The following LPCAT3 variants were observed in gnomAD, a reference collection of about 807,000 sequenced individuals.
The protein encoded by LPCAT3 is lysophospholipid acyltransferase 5.
Under a neutral mutation model 63.4 loss-of-function variants are expected in LPCAT3, and 21 were observed. That is an observed-to-expected ratio of 0.33 (90% CI 0.23 to 0.48). The LOEUF (loss-of-function observed/expected upper bound fraction) is 0.48, where lower values mean the gene tolerates loss of function less well. Among genes scored for constraint, LPCAT3 ranks in the 20% least tolerant of loss-of-function variants. The pLI is 0.99. For missense variants in LPCAT3, 451 were observed against 590.6 expected (o/e 0.76, Z 2.45); for synonymous variants, 242 against 227.5 (o/e 1.06, Z -0.58).
chr12:7,003,777 C>T (rs2138355391), intron 1 of LPCAT3, among the ~76,000 whole-genome samples: 1 of 151,732 alleles, frequency 6.6e-6, no homozygotes, highest in East Asian at 1.9e-4. Context: ...AAAAAATTAG[C>T]CGGGCGCGGT....
At chr12:7,000,084 TA>T (rs1946671513) in intron 1 of LPCAT3, among the ~76,000 whole-genome samples, 1 of 151,712 alleles carries the variant, frequency 6.6e-6, no homozygotes, top group African/African-American at 2.4e-5. Context: ...CATGCCTGGC[TA>T]ATTTTTGTAT....
At position 7,015,150 on chromosome 12, in the gene LPCAT3, G is replaced by GATC. The variant is rs1274320343; in HGVS notation, c.151+3121_151+3123dup. Among the ~76,000 whole-genome samples, 4 of 152,160 alleles carry GATC rather than the reference G, an allele frequency of 2.6e-5. No individual in the cohort carries two copies. In the East Asian group the frequency reaches 7.7e-4, roughly 29 times the overall value. The stretch of plus-strand genomic sequence containing the variant: ...TTTAATGCTCTGCATTCCACCCCAA[G>GATC]ATCAGCACACAGAACTGAAGTAAAA... On this transcript the variant is annotated intron_variant, in intron 1 of 12. Coordinates refer to ENST00000261407, the MANE Select transcript of LPCAT3 (RefSeq NM_005768.6).
Position 6,983,466 on chromosome 12 carries a change from G to C in LPCAT3, c.225C>G (p.Thr75=). The change falls in exon 2 of 13, where the codon ACC becomes ACG. Residue 75 remains threonine (T), a synonymous_variant. Transcript: ENST00000261407. Reference sequence around the variant, plus strand: ...AATAAGCAATTGAGAGGCCTGTAAAGGTATGGAAGAGGTGGATGAGGTAGG... The same window carrying C: ...AATAAGCAATTGAGAGGCCTGTAAACGTATGGAAGAGGTGGATGAGGTAGG... ...KETYLIHLFH[T]FTGLSIAYFN... The C allele has an allele frequency of 6.2e-7, 1 of 1,612,344 alleles. No homozygotes were observed. Among genetic ancestry groups the C allele is most frequent in the Non-Finnish European group, 8.5e-7 (1 of 1,178,584 alleles).
chr12:6,992,133 G>A (rs782213028), intron 1 of LPCAT3, among the ~76,000 whole-genome samples: 3 of 151,870 alleles, frequency 2.0e-5, no homozygotes, highest in Non-Finnish European at 4.4e-5. Context: ...TAGCCTGGGC[G>A]ACAGAGTGAA....
intron 1 of LPCAT3, among the ~76,000 whole-genome samples, chr12:6,999,171 T>A (rs986080972): frequency 2.0e-5 from 3 of 152,222 alleles, no homozygotes; most frequent in African/African-American, 4.8e-5. Flanking sequence ...AAAAGTTCAT[T>A]TTAATGCTAA....
At position 6,983,437 on chromosome 12, in the gene LPCAT3, TTAAAA is replaced by T; in HGVS notation, c.249_253del (p.Tyr83Ter). On this transcript the variant is annotated stop_gained and frameshift_variant, in exon 2 of 13. Coordinates refer to ENST00000261407, the MANE Select transcript of LPCAT3 (RefSeq NM_005768.6). LOFTEE classifies it high-confidence loss of function. ...TGCTAATTTAGTTTACTCACCAAAGTTAAAATAAGCAATTGAGAGGCCTGTAAAGG... is the reference window on the plus strand; with the variant it reads ...TGCTAATTTAGTTTACTCACCAAAGTTAAGCAATTGAGAGGCCTGTAAAGG... 6.3e-7 allele frequency: 1 copy of T among 1,598,294 alleles called. No individual in the cohort carries two copies.
In LPCAT3 at chr12:6,977,155, C is replaced by T. The variant is rs1405137368; in HGVS notation, c.1455G>A (p.Lys485=). ...AMVPRKEKLK[K]ME is the part of the protein sequence containing the mutation. ...TTACCAGGGAAATGGATTATTCCAT[C>T]TTCTTTAACTTCTCTTTCCTTGGCA... Residue 485 remains lysine, a synonymous_variant, in exon 12 of 13, where the codon AAG becomes AAA. Transcript: ENST00000261407. This position sits in a 1 kb window ranked among gnomAD's most constrained non-coding sequence, Gnocchi z 4.5. 1.2e-6 allele frequency: 2 copies of T among 1,602,136 alleles called. No individual in the cohort carries two copies. The highest frequency in any genetic ancestry group is 8.6e-7 in the Non-Finnish European group (1 of 1,169,170).
intron 5 of LPCAT3, 119 bp from the exon 6 acceptor site, chr12:6,981,301 TG>T: frequency 1.2e-6 from 1 of 821,796 alleles, no homozygotes; most frequent in Non-Finnish European, 1.9e-6. Flanking sequence ...GCCTTCTCTT[TG>T]GGGGATGACA....
At chr12:7,009,505 G>C (rs782733902) in intron 1 of LPCAT3, among the ~76,000 whole-genome samples, 1 of 152,338 alleles carries the variant, frequency 6.6e-6, no homozygotes, top group African/African-American at 2.4e-5. Context: ...ACTATCCTCA[G>C]AGTTTCTCAA....
At chr12:7,005,908 T>C (rs782068971) in intron 1 of LPCAT3, among the ~76,000 whole-genome samples, 1 of 152,374 alleles carries the variant, frequency 6.6e-6, no homozygotes, top group South Asian at 2.1e-4. Flanking sequence ...ACAAAAGCTT[T>C]TAATTTTGAT....
chr12:6,977,660 G>C lies in LPCAT3; in HGVS notation c.1126C>G (p.Leu376Val), dbSNP rs1555153482. Residue 376 changes from leucine (L) to valine (V), a missense_variant, in exon 10 of 13, where the codon CTG (leucine) becomes GTG (valine). Physicochemically the swap from Leu to Val is conservative, Grantham distance 32. Around this residue, in one of 3 missense-constraint regions of LPCAT3, gnomAD observed 304 missense variants for 390.8 expected, o/e 0.78. Coordinates refer to ENST00000261407, the MANE Select transcript of LPCAT3 (RefSeq NM_005768.6). The surrounding 1 kb of genome is among the most constrained non-coding windows in gnomAD (Gnocchi z 4.5). The part of the protein sequence containing the change: ...SLLFLALWHG[L>V]HSGYLVCFQM... The stretch of plus-strand genomic sequence containing the variant: ...AAGCAGACCAGGTATCCTGAGTGCA[G>C]GCCGTGCCAGAGGGCCAGGAATAGC... 6.2e-7 allele frequency: 1 copy of C among 1,614,244 alleles called. No homozygotes were observed. Among genetic ancestry groups the C allele is most frequent in the Non-Finnish European group, 8.5e-7 (1 of 1,180,040 alleles).
chr12:7,002,164 C>T (rs782076547), intron 1 of LPCAT3, among the ~76,000 whole-genome samples: 44 of 152,048 alleles, frequency 2.9e-4, no homozygotes, highest in African/African-American at 8.7e-4. Flanking sequence ...CTCAGGCGTC[C>T]GATTCCTTCT....
chr12:7,011,790 G>C (rs1555157260), intron 1 of LPCAT3, among the ~76,000 whole-genome samples: 1 of 152,004 alleles, frequency 6.6e-6, no homozygotes, highest in Non-Finnish European at 1.5e-5. Flanking sequence ...AAATTGGAAG[G>C]GTCCTTGAAA....
chr12:6,980,266 C>T (rs1946456662), intron 6 of LPCAT3, among the ~76,000 whole-genome samples: 1 of 151,970 alleles, frequency 6.6e-6, no homozygotes, highest in Admixed American at 6.6e-5. Flanking sequence ...TGGTCTTGAA[C>T]TCCTGGCCTC....
intron 1 of LPCAT3, among the ~76,000 whole-genome samples, chr12:6,986,187 C>T (rs1310367343): frequency 3.9e-5 from 6 of 152,070 alleles, no homozygotes; most frequent in African/African-American, 1.4e-4. Flanking sequence ...CAGCAAGGGT[C>T]CCCTTAGACT....
chr12:7,013,916 C>T (rs1330326325), intron 1 of LPCAT3, among the ~76,000 whole-genome samples: 1 of 152,076 alleles, frequency 6.6e-6, no homozygotes, highest in Non-Finnish European at 1.5e-5. Context: ...AACTCTTTAC[C>T]TTGGCTTTAA....
chr12:6,985,323 G>T (rs1367317769), intron 1 of LPCAT3, among the ~76,000 whole-genome samples: 1 of 151,900 alleles, frequency 6.6e-6, no homozygotes, highest in Non-Finnish European at 1.5e-5. Context: ...ATGAACACGG[G>T]AGGCGGAGCT....
intron 3 of LPCAT3, 30 bp downstream of exon 3, chr12:6,982,646 A>G (rs1946482086): frequency 6.5e-7 from 1 of 1,535,062 alleles, no homozygotes; most frequent in Non-Finnish European, 9.0e-7. Flanking sequence ...TGTCAGCTGT[A>G]GCCTGAGCTG....
At chr12:7,000,287 G>T (rs1269432311) in intron 1 of LPCAT3, among the ~76,000 whole-genome samples, 5 of 151,716 alleles carry the variant, frequency 3.3e-5, no homozygotes, top group African/African-American at 1.2e-4. Flanking sequence ...ATCTTGCAGG[G>T]CATCTTAAAG....
Sources: allele counts gnomAD v4.1 joint callset (sites outside exome capture counted in the v4.1 genomes callset), GRCh38; gene constraint gnomAD v4.1.1; regional missense constraint gnomAD v4.1.1; non-coding constraint Gnocchi (gnomAD v3.1); transcripts MANE v1.5; gene names NCBI Gene and HGNC (gene_info 2026-07-23, HGNC 2026-07-21).